The following THSD7B variants were observed in gnomAD, a reference collection of about 807,000 sequenced individuals.
The protein encoded by THSD7B is thrombospondin type 1 domain containing 7B, also known as thrombospondin type-1 domain-containing protein 7B.
THSD7B carries 138 observed loss-of-function variants against 213.6 expected under a neutral mutation model. That is an observed-to-expected ratio of 0.65 (90% CI 0.56 to 0.74). THSD7B has a LOEUF of 0.74. THSD7B is among the 30% of genes least tolerant of loss of function. The pLI, the probability that THSD7B is intolerant of heterozygous loss-of-function variation, is 0.00. For synonymous variants in THSD7B, 742 were observed against 687.0 expected (o/e 1.08, Z -1.25); for missense variants, 1,931 against 1,991.5 (o/e 0.97, Z 0.58).
At chr2:137,345,976 A>G (rs1398267268) in intron 12 of THSD7B, among the ~76,000 whole-genome samples, 2 of 151,634 alleles carry the variant, frequency 1.3e-5, no homozygotes, top group Non-Finnish European at 3.0e-5. Flanking sequence ...TGGTGGGGGA[A>G]TAGGGGAGGG....
chr2:137,257,402 A>C (rs907933343), intron 10 of THSD7B, among the ~76,000 whole-genome samples: 2 of 152,186 alleles, frequency 1.3e-5, no homozygotes, highest in African/African-American at 4.8e-5. Flanking sequence ...TCAGCAAGGC[A>C]CAGACCCTTT....
intron 1 of THSD7B, among the ~76,000 whole-genome samples, chr2:136,813,234 C>T (rs1026607781): frequency 6.6e-6 from 1 of 152,060 alleles, no homozygotes; most frequent in Non-Finnish European, 1.5e-5. Context: ...AAAATATTGA[C>T]CTATGTGTCA....
At chr2:136,998,916 ACACAC>A (rs1558881998) in intron 2 of THSD7B, among the ~76,000 whole-genome samples, 1,379 of 85,782 alleles carry the variant, frequency 0.016, 9 homozygotes, top group Admixed American at 0.021. Flanking sequence ...ACAGACACAC[ACACAC>A]ACACACACAC....
intron 2 of THSD7B, among the ~76,000 whole-genome samples, chr2:136,980,239 A>G (rs1685551014): frequency 6.6e-6 from 1 of 152,152 alleles, no homozygotes; most frequent in Admixed American, 6.5e-5. Context: ...GTCAGGAGGC[A>G]TGAAATCAGG....
At chr2:137,626,470 AAAAAAAAAAAG>A in intron 20 of THSD7B, among the ~76,000 whole-genome samples, 1 of 144,422 alleles carries the variant, frequency 6.9e-6, no homozygotes, top group Non-Finnish European at 1.5e-5. Context: ...TCTCAAAAAA[AAAAAAAAAAAG>A]AAAAAGAAAA....
At chr2:137,110,694 T>C (rs2104934215) in intron 4 of THSD7B, among the ~76,000 whole-genome samples, 1 of 152,350 alleles carries the variant, frequency 6.6e-6, no homozygotes, top group Non-Finnish European at 1.5e-5. Context: ...GAATTTGAAT[T>C]TACACAATTA....
intron 17 of THSD7B, among the ~76,000 whole-genome samples, chr2:137,604,129 AC>A (rs1160372306): frequency 1.3e-5 from 2 of 152,066 alleles, no homozygotes; most frequent in Non-Finnish European, 2.9e-5. Flanking sequence ...AAATAAAAAA[AC>A]AACTCAATCA....
At chr2:137,351,976 A>G (rs1453854732) in intron 12 of THSD7B, among the ~76,000 whole-genome samples, 1 of 151,870 alleles carries the variant, frequency 6.6e-6, no homozygotes, top group Non-Finnish European at 1.5e-5. Flanking sequence ...TTTTTAGCTT[A>G]TCAGCTATCA....
rs564568977 is a variant in THSD7B at position 136,994,889 on chromosome 2, C to G, written c.140-61531C>G. Among the ~76,000 whole-genome samples the G allele has an allele frequency of 5.9e-5, 9 of 152,288 alleles. No homozygotes were observed. The East Asian group carries it at 1.7e-3, about 29-fold the overall frequency. On this transcript the variant is annotated intron_variant, in intron 2 of 27. Transcript: ENST00000409968. Reference sequence around the variant, plus strand: ...CTAAAAGTAGGAAAATCGGCATTAACTTGCATTGCTGTGTGGTAATCCTAT... The same window carrying G: ...CTAAAAGTAGGAAAATCGGCATTAAGTTGCATTGCTGTGTGGTAATCCTAT...
intron 2 of THSD7B, among the ~76,000 whole-genome samples, chr2:136,965,369 G>A (rs1246508244): frequency 6.6e-6 from 1 of 152,192 alleles, no homozygotes; most frequent in African/African-American, 2.4e-5. Context: ...AATAGAATAT[G>A]GGGATGGGAA....
intron 14 of THSD7B, among the ~76,000 whole-genome samples, chr2:137,450,061 C>T (rs1687617253): frequency 6.6e-6 from 1 of 152,060 alleles, no homozygotes; most frequent in African/African-American, 2.4e-5. Flanking sequence ...CAGTTTTAGA[C>T]ATGTTGAATT....
At chr2:136,807,508 C>CTTTTTTTTTTTTTTTT (rs1314267493) in intron 1 of THSD7B, among the ~76,000 whole-genome samples, 4 of 49,574 alleles carry the variant, frequency 8.1e-5, no homozygotes, top group African/African-American at 2.5e-4. Flanking sequence ...CAAAATGTTT[C>CTTTTTTTTTTTTTTTT]GTTTTTTTTT....
chr2:137,475,854 A>T (rs1474281240), intron 15 of THSD7B, among the ~76,000 whole-genome samples: 1 of 152,050 alleles, frequency 6.6e-6, no homozygotes, highest in Non-Finnish European at 1.5e-5. Flanking sequence ...GTGCTGGGTT[A>T]TATTGTGTTT....
At chr2:137,213,884 C>T (rs973636046) in intron 7 of THSD7B, among the ~76,000 whole-genome samples, 1 of 152,050 alleles carries the variant, frequency 6.6e-6, no homozygotes, top group Non-Finnish European at 1.5e-5. Flanking sequence ...CCAGCTGTTT[C>T]GTTAGCCCCA....
chr2:137,425,070 T>G (rs1311152803), intron 14 of THSD7B, among the ~76,000 whole-genome samples: 1 of 100,124 alleles, frequency 1.0e-5, no homozygotes, highest in Non-Finnish European at 2.1e-5. Flanking sequence ...AGACTCTGTC[T>G]CAAAAATAAT....
intron 2 of THSD7B, among the ~76,000 whole-genome samples, chr2:137,023,933 T>C (rs76641782): frequency 6.6e-6 from 1 of 151,642 alleles, no homozygotes; most frequent in South Asian, 2.1e-4. Context: ...TTTTTTTTTT[T>C]CCTTCTTCTT....
intron 2 of THSD7B, among the ~76,000 whole-genome samples, chr2:136,923,091 C>A (rs1684461645): frequency 6.6e-6 from 1 of 152,092 alleles, no homozygotes; most frequent in Non-Finnish European, 1.5e-5. Context: ...AATATTATAC[C>A]CGTTAAACAC....
At chr2:137,513,262 G>C (rs892552511) in intron 15 of THSD7B, among the ~76,000 whole-genome samples, 2 of 152,192 alleles carry the variant, frequency 1.3e-5, no homozygotes, top group African/African-American at 4.8e-5. Flanking sequence ...TTGAGACTGA[G>C]AATTTGGGGA....
At chr2:137,147,513 C>T (rs80229477) in intron 5 of THSD7B, among the ~76,000 whole-genome samples, 1 of 149,658 alleles carries the variant, frequency 6.7e-6, no homozygotes, top group Non-Finnish European at 1.5e-5. Context: ...AGAGTTCTTA[C>T]TTGGACCTTG....
Sources: gnomAD v4.1 joint callset for allele counts (sites outside exome capture counted in the v4.1 genomes callset) on GRCh38, gnomAD v4.1.1 for gene constraint, MANE v1.5 for transcripts, NCBI Gene and HGNC (gene_info 2026-07-23, HGNC 2026-07-21) for gene names.